The following SP140 variants were observed in gnomAD, a reference collection of about 807,000 sequenced individuals.
The protein encoded by SP140 is nuclear body protein SP140.
SP140 carries 81 observed loss-of-function variants against 125.0 expected under a neutral mutation model. That is an observed-to-expected ratio of 0.65 (90% CI 0.54 to 0.78). The LOEUF is 0.78. Ranked by LOEUF, SP140 falls within the 30% of genes least tolerant of loss-of-function variation. SP140 has a pLI of 0.00. For synonymous variants in SP140, 312 were observed against 354.0 expected (o/e 0.88, Z 1.33); for missense variants, 858 against 1,037.0 (o/e 0.83, Z 2.37).
intron 17 of SP140, among the ~76,000 whole-genome samples, chr2:230,287,028 C>T (rs6717938): frequency 0.54 from 81,996 of 151,976 alleles, 23,202 homozygotes; most frequent in South Asian, 0.69. Context: ...GCTTTCCTGC[C>T]TTGGAAAATA....
chr2:230,246,018 C>T (rs1317950354), intron 7 of SP140, 78 bp downstream of exon 7: 1 of 816,750 alleles, frequency 1.2e-6, no homozygotes, highest in Non-Finnish European at 2.1e-6. Context: ...CCTTCCCATT[C>T]CCCCATCTAT....
chr2:230,204,490 C>G (rs2043537447), intron 1 of SP140, among the ~76,000 whole-genome samples: 1 of 152,002 alleles, frequency 6.6e-6, no homozygotes, highest in South Asian at 2.1e-4. Context: ...GTATCTACAC[C>G]ACGTGGTGCC....
chr2:230,239,038 T>C (rs2048357121), intron 3 of SP140: 1 of 1,404,838 alleles, frequency 7.1e-7, no homozygotes, highest in East Asian at 2.5e-5. Flanking sequence ...GTTTAATTTT[T>C]GGAAAATAAA....
chr2:230,258,089 G>A (rs1021375136), intron 12 of SP140, among the ~76,000 whole-genome samples: 4 of 152,128 alleles, frequency 2.6e-5, no homozygotes, highest in Middle Eastern at 3.2e-3. Flanking sequence ...GATGATTCTG[G>A]TTGTTATTGA....
rs1377594531 is a variant in SP140, at chr2:230,238,996, A to G, written c.406+615A>G. ...AGAAAGAAGTTGAAGTGGATTCTGG[A>G]AGGCTTGACACCCTGTGCTAAGGAA... On this transcript the variant is annotated intron_variant, in intron 3 of 26. Transcript: ENST00000392045. The G allele has an allele frequency of 2.5e-4, 376 of 1,489,146 alleles. 4 individuals carry two copies. Among genetic ancestry groups the G allele is most frequent in the Non-Finnish European group, 3.5e-5 (39 of 1,120,372 alleles). 92.2% of individuals were successfully genotyped at this position (1,489,146 alleles called of 1,614,324 possible). A position where few individuals can be genotyped will look rare whatever the true frequency, so the allele number is the denominator to read the frequency against.
Position 230,290,449 on chromosome 2 carries a change from C to G in SP140, c.1721-11C>G, listed in dbSNP as rs2056987640. ...CAAAGTGAGACAGAATGAAGAAATCCTCTCTTTCAGCTTCAAGAAAGCACA... is the reference window on the plus strand; with the variant it reads ...CAAAGTGAGACAGAATGAAGAAATCGTCTCTTTCAGCTTCAAGAAAGCACA... On this transcript the variant is annotated splice_polypyrimidine_tract_variant and intron_variant, in intron 18 of 26. Transcript: ENST00000392045. 6.2e-7 allele frequency: 1 copy of G among 1,612,406 alleles called. No homozygotes were observed. The highest frequency in any genetic ancestry group is 1.1e-5 in the South Asian group (1 of 90,940).
chr2:230,212,685 G>T, intron 1 of SP140: 1 of 1,557,050 alleles, frequency 6.4e-7, no homozygotes, highest in Non-Finnish European at 8.9e-7. Context: ...AAGTCAAGAT[G>T]CTGGGATTGG....
chr2:230,267,120 T>A (rs980179493), intron 12 of SP140, among the ~76,000 whole-genome samples: 1 of 152,214 alleles, frequency 6.6e-6, no homozygotes, highest in African/African-American at 2.4e-5. Context: ...TTTATCTTTA[T>A]CAAGTGAGAC....
intron 3 of SP140, chr2:230,238,845 C>T: frequency 6.4e-7 from 1 of 1,554,038 alleles, no homozygotes; most frequent in Non-Finnish European, 8.7e-7. Flanking sequence ...CTAGCACATA[C>T]TGGTACACTG....
At chr2:230,261,840 T>C (rs1161460232) in intron 12 of SP140, among the ~76,000 whole-genome samples, 1 of 152,214 alleles carries the variant, frequency 6.6e-6, no homozygotes, top group African/African-American at 2.4e-5. Context: ...TGATATGTTG[T>C]TGGATTCAGT....
At chr2:230,315,149 C>T (rs1300994043), downstream of SP140, among the ~76,000 whole-genome samples, 1 of 152,168 alleles carries the variant, frequency 6.6e-6, no homozygotes, top group East Asian at 1.9e-4. Flanking sequence ...ATGCTGAGGT[C>T]AGCTCTCTAA....
chr2:230,221,630 A>C, upstream of SP140: 18 of 1,341,058 alleles, frequency 1.3e-5, no homozygotes, highest in Non-Finnish European at 1.7e-5. Context: ...GCAGTAACAT[A>C]CAGCGCTGTG....
At chr2:230,231,146 T>C (rs1391378940) in intron 1 of SP140, among the ~76,000 whole-genome samples, 2 of 152,218 alleles carry the variant, frequency 1.3e-5, no homozygotes, top group South Asian at 2.1e-4. Flanking sequence ...CACTTAACCA[T>C]CTGTTCATGC....
At chr2:230,212,654 A>G in intron 1 of SP140, 1 of 1,445,468 alleles carries the variant, frequency 6.9e-7, no homozygotes, top group Non-Finnish European at 9.7e-7. Flanking sequence ...GATGGGTGCA[A>G]GAGAAGAACT....
At chr2:230,284,897 T>C (rs1368244968) in intron 16 of SP140, among the ~76,000 whole-genome samples, 1 of 152,186 alleles carries the variant, frequency 6.6e-6, no homozygotes, top group African/African-American at 2.4e-5. Context: ...TGGCAGTTCA[T>C]TCATAAAAAT....
At chr2:230,251,888 C>T (rs1054453622) in intron 10 of SP140, among the ~76,000 whole-genome samples, 6 of 151,960 alleles carry the variant, frequency 3.9e-5, no homozygotes, top group East Asian at 1.9e-4. Flanking sequence ...CATGTGACAC[C>T]GGTGTTTGTT....
intron 21 of SP140, among the ~76,000 whole-genome samples, chr2:230,295,380 G>A (rs944470609): frequency 5.4e-4 from 82 of 152,264 alleles, no homozygotes; most frequent in African/African-American, 1.4e-3. Context: ...TGGGTTTCCC[G>A]AAGGGAAACT....
intron 1 of SP140, among the ~76,000 whole-genome samples, chr2:230,203,908 A>G (rs1158687401): frequency 6.6e-6 from 1 of 152,128 alleles, no homozygotes; most frequent in Non-Finnish European, 1.5e-5. Flanking sequence ...AGTCCTGGAG[A>G]TGGATGGTGG....
rs538124765 is a variant in SP140, at chr2:230,210,094, T to C, written c.-322-3560T>C. On this transcript the variant is annotated intron_variant, in intron 1 of 4. Transcript: ENST00000456542. Reference sequence around the variant, plus strand: ...GAAGTCAATGCAAGAACTAGAAAAGTAGAAAGTACATGCAGCCCAGGGCCG... The same window carrying C: ...GAAGTCAATGCAAGAACTAGAAAAGCAGAAAGTACATGCAGCCCAGGGCCG... The C allele has an allele frequency of 1.2e-5, 10 of 846,122 alleles. No individual in the cohort carries two copies. The African/African-American group carries it at 1.3e-4, about 11-fold the overall frequency. 52.4% of individuals were successfully genotyped at this position (846,122 alleles called of 1,614,324 possible).
Sources: gnomAD v4.1 joint callset for allele counts (sites outside exome capture counted in the v4.1 genomes callset) on GRCh38, gnomAD v4.1.1 for gene constraint, MANE v1.5 for transcripts, NCBI Gene and HGNC (gene_info 2026-07-23, HGNC 2026-07-21) for gene names.